The following MOSPD2 variants were observed in gnomAD, a reference collection of about 807,000 sequenced individuals.
MOSPD2 encodes motile sperm domain containing 2, also known as motile sperm domain-containing protein 2.
MOSPD2 carries 5 observed loss-of-function variants against 41.7 expected under a neutral mutation model. The observed-to-expected ratio is 0.12, with a 90% CI of 0.06 to 0.25. The LOEUF is 0.25. Among genes scored for constraint, MOSPD2 ranks in the 10% least tolerant of loss-of-function variants. MOSPD2 has a pLI of 1.00. For missense variants in MOSPD2, 282 were observed against 375.2 expected, an observed-to-expected ratio of 0.75 and a Z score of 2.05; for synonymous variants, 115 against 126.9, an observed-to-expected ratio of 0.91 and a Z score of 0.63.
In MOSPD2 at chrX:14,920,640, C is replaced by T. The variant is rs1386866050; in HGVS notation, c.*831C>T. The T allele has an allele frequency of 1.3e-6, 1 of 751,298 alleles. No individual in the cohort carries two copies. The highest frequency in any genetic ancestry group is 1.6e-6 in the Non-Finnish European group (1 of 638,577). The allele number at this position is 751,298 out of a possible 1,213,427, so 61.9% of individuals were successfully genotyped here. A position where few individuals can be genotyped will look rare whatever the true frequency, so the allele number is the denominator to read the frequency against. On this transcript the variant is annotated 3_prime_UTR_variant, in exon 15 of 15. Coordinates refer to ENST00000380492, the MANE Select transcript of MOSPD2 (RefSeq NM_152581.4). ...GCCTAATTTATTATAAAGGCCTGAC[C>T]CTCTATTGTCCCATCTTCACCCCCA... is the stretch of plus-strand genomic sequence containing the variant.
chrX:14,877,447 A>G (rs2092522831), intron 2 of MOSPD2, among the ~76,000 whole-genome samples: 1 of 109,633 alleles, frequency 9.1e-6, no homozygotes, highest in Admixed American at 9.6e-5. Context: ...GGTTCAAGCA[A>G]TTGTCCTACC....
chrX:14,902,472 G>A (rs911817977), intron 6 of MOSPD2, among the ~76,000 whole-genome samples: 2 of 111,650 alleles, frequency 1.8e-5, no homozygotes, highest in Admixed American at 9.5e-5. Context: ...TTCTGAAAAC[G>A]TAGTGATGTA....
chrX:14,920,375 G>A lies in MOSPD2; in HGVS notation c.*566G>A, dbSNP rs1181473720. 5 of 753,128 alleles carry A rather than the reference G, an allele frequency of 6.6e-6. No individual in the cohort carries two copies. The highest frequency in any genetic ancestry group is 6.3e-6 in the Non-Finnish European group (4 of 637,978). 62.1% of individuals were successfully genotyped at this position (753,128 alleles called of 1,213,427 possible). On this transcript the variant is annotated 3_prime_UTR_variant, in exon 15 of 15. Coordinates refer to ENST00000380492, the MANE Select transcript of MOSPD2 (RefSeq NM_152581.4). ...TCAGTATTCTTTTGGAATGTAAACCGATTTAATGCCAAACCACCTTAACCT... is the reference window on the plus strand; with the variant it reads ...TCAGTATTCTTTTGGAATGTAAACCAATTTAATGCCAAACCACCTTAACCT...
In MOSPD2 at chrX:14,900,642, AACTT is replaced by A. The variant is rs774214671; in HGVS notation, c.538+11_538+14del. 10 of 976,640 alleles carry A rather than the reference AACTT, an allele frequency of 1.0e-5. No individual in the cohort carries two copies. Among genetic ancestry groups the A allele is most frequent in the Non-Finnish European group, 1.3e-5 (9 of 705,175 alleles). 80.5% of individuals were successfully genotyped at this position (976,640 alleles called of 1,213,427 possible). ...TATTACCCTAAATACCTCTGTAAGT[AACTT>A]ACTCCTTTATAAAAAATATAACATA... On this transcript the variant is annotated splice_region_variant and intron_variant, in intron 6 of 14. Coordinates refer to ENST00000380492, the MANE Select transcript of MOSPD2 (RefSeq NM_152581.4).
chrX:14,892,577 G>T, intron 2 of MOSPD2, 146 bp from the exon 3 acceptor site: 2 of 451,746 alleles, frequency 4.4e-6, no homozygotes, highest in African/African-American at 2.4e-5. Context: ...TCTTTTAAAT[G>T]GCGCTTTTAT....
At position 14,892,954 on chromosome X, in the gene MOSPD2, A is replaced by G. The variant is rs1299971870; in HGVS notation, c.235+76A>G. The G allele has an allele frequency of 4.2e-6, 3 of 713,396 alleles. No individual in the cohort carries two copies. The Admixed American group carries it at 8.7e-5, about 21-fold the overall frequency. 58.8% of individuals were successfully genotyped at this position (713,396 alleles called of 1,213,427 possible). Reference sequence around the variant, plus strand: ...TTGTTTTACATTTATCTAATCATGTATTTGCACATATTCCTAGCAGTCATC... The same window carrying G: ...TTGTTTTACATTTATCTAATCATGTGTTTGCACATATTCCTAGCAGTCATC... On this transcript the variant is annotated intron_variant, in intron 3 of 14. Coordinates refer to ENST00000380492, the MANE Select transcript of MOSPD2 (RefSeq NM_152581.4).
At position 14,919,685 on chromosome X, in the gene MOSPD2, T is replaced by A; in HGVS notation, c.1433T>A (p.Leu478Gln). ...TTCCCTCTTCAGCTCAGTCGTTTAC[T>A]AGAAAGCAATAGGAAGCTTGAAGAC... is the stretch of plus-strand genomic sequence containing the variant. ...EDICLQLSRL[L>Q]ESNRKLEDQV... The change falls in exon 15 of 15, where the codon CTA (leucine) becomes CAA (glutamine). Residue 478 changes from leucine to glutamine, a missense_variant. Transcript: ENST00000380492. 8.3e-7 allele frequency: 1 copy of A among 1,206,614 alleles called. No homozygotes were observed. The highest frequency in any genetic ancestry group is 1.8e-5 in the South Asian group (1 of 56,261).
rs191540956 is a variant in MOSPD2, at chrX:14,909,927, A to G, written c.702+943A>G. On this transcript the variant is annotated intron_variant, in intron 8 of 14. Coordinates refer to ENST00000380492, the MANE Select transcript of MOSPD2 (RefSeq NM_152581.4). ...TACTTCATTTCAGGTGCTATGCTTG[A>G]TTTAAAATGTGATTTTATTTATTTT... is the stretch of plus-strand genomic sequence containing the variant. Among the ~76,000 whole-genome samples the G allele has an allele frequency of 4.5e-3, 496 of 111,161 alleles. 5 individuals are homozygous for G. The highest frequency in any genetic ancestry group is 0.015 in the African/African-American group (467 of 30,796).
chrX:14,905,219 C>T (rs1273397992), intron 7 of MOSPD2, among the ~76,000 whole-genome samples: 2 of 112,066 alleles, frequency 1.8e-5, no homozygotes. Flanking sequence ...AACACTGTCT[C>T]TCTTACCACT....
At chrX:14,877,056 A>G (rs1164615671) in intron 2 of MOSPD2, among the ~76,000 whole-genome samples, 1 of 111,776 alleles carries the variant, frequency 8.9e-6, no homozygotes, top group Non-Finnish European at 1.9e-5. Flanking sequence ...TTCCAAAGTA[A>G]TAGGAAGTCT....
chrX:14,917,035 C>G (rs2092601438), intron 13 of MOSPD2, among the ~76,000 whole-genome samples: 1 of 112,030 alleles, frequency 8.9e-6, no homozygotes, highest in Admixed American at 9.4e-5. Context: ...TTGTCAATGT[C>G]TGGAGACACT....
At position 14,920,465 on chromosome X, in the gene MOSPD2, C is replaced by G. The variant is rs1233323386; in HGVS notation, c.*656C>G. The G allele has an allele frequency of 1.3e-6, 1 of 753,690 alleles. No homozygotes were observed. The highest frequency in any genetic ancestry group is 1.6e-6 in the Non-Finnish European group (1 of 639,129). 62.1% of individuals were successfully genotyped at this position (753,690 alleles called of 1,213,427 possible). A position where few individuals can be genotyped will look rare whatever the true frequency, so the allele number is the denominator to read the frequency against. Reference sequence around the variant, plus strand: ...TCTCAGGCTTTTTTATGAACACTCTCATTTCAGTAGAATTTGGAAAACTAA... The same window carrying G: ...TCTCAGGCTTTTTTATGAACACTCTGATTTCAGTAGAATTTGGAAAACTAA... On this transcript the variant is annotated 3_prime_UTR_variant, in exon 15 of 15. Coordinates refer to ENST00000380492, the MANE Select transcript of MOSPD2 (RefSeq NM_152581.4).
intron 12 of MOSPD2, among the ~76,000 whole-genome samples, 195 bp downstream of exon 12, chrX:14,915,959 C>T (rs2092599663): frequency 8.9e-6 from 1 of 112,458 alleles, no homozygotes; most frequent in Non-Finnish European, 1.9e-5. Context: ...CTCTAAAGCC[C>T]TTTCCAGCAT....
In MOSPD2 at chrX:14,873,447, G is replaced by A. The variant is rs2092511043; in HGVS notation, c.-82G>A. On this transcript the variant is annotated 5_prime_UTR_variant, in exon 1 of 15. Coordinates refer to ENST00000380492, the MANE Select transcript of MOSPD2 (RefSeq NM_152581.4). Reference sequence around the variant, plus strand: ...CCCTTCTCTGTCTACCTCTGGGCGGGACTGCCGGGTGATGAGATACTCGGT... The same window carrying A: ...CCCTTCTCTGTCTACCTCTGGGCGGAACTGCCGGGTGATGAGATACTCGGT... 1.2e-5 allele frequency: 14 copies of A among 1,188,897 alleles called. No individual in the cohort carries two copies. Among genetic ancestry groups the A allele is most frequent in the Admixed American group, 8.7e-5 (4 of 46,025 alleles).
rs778788598 is a variant in MOSPD2 at position 14,921,051 on chromosome X, C to G, written c.*1242C>G. On this transcript the variant is annotated 3_prime_UTR_variant, in exon 15 of 15. Coordinates refer to ENST00000380492, the MANE Select transcript of MOSPD2 (RefSeq NM_152581.4). ...GTATTCCTAAAATCCTAAAAAGATA[C>G]ACCTTGCAGTAGCAGAGGCAATGAC... The G allele has an allele frequency of 5.6e-4, 434 of 772,220 alleles. No homozygotes were observed. The highest frequency in any genetic ancestry group is 6.5e-4 in the Non-Finnish European group (421 of 652,245). The allele number at this position is 772,220 out of a possible 1,213,427, so 63.6% of individuals were successfully genotyped here. A position where few individuals can be genotyped will look rare whatever the true frequency, so the allele number is the denominator to read the frequency against.
intron 5 of MOSPD2, 72 bp from the exon 6 acceptor site, chrX:14,900,503 T>A (rs1421452286): frequency 2.2e-6 from 1 of 463,527 alleles, no homozygotes; most frequent in Non-Finnish European, 3.6e-6. Context: ...TTTAATAATT[T>A]ATCACCTTTA....
chrX:14,889,573 T>C (rs1438060736), intron 2 of MOSPD2, among the ~76,000 whole-genome samples: 2 of 107,445 alleles, frequency 1.9e-5, no homozygotes, highest in African/African-American at 6.8e-5. Context: ...CTCTGTCGTC[T>C]TCTGCCTCTA....
chrX:14,902,202 T>C (rs1238607879), intron 6 of MOSPD2, among the ~76,000 whole-genome samples: 1 of 111,481 alleles, frequency 9.0e-6, no homozygotes, highest in Non-Finnish European at 1.9e-5. Flanking sequence ...ATATGTACTT[T>C]ACTTGTCCTA....
At chrX:14,886,390 G>A (rs1425267758) in intron 2 of MOSPD2, among the ~76,000 whole-genome samples, 1 of 110,272 alleles carries the variant, frequency 9.1e-6, no homozygotes, top group East Asian at 2.8e-4. Flanking sequence ...TCCAGCTCTT[G>A]AAGGATAAGA....
Sources: allele counts gnomAD v4.1 joint callset (sites outside exome capture counted in the v4.1 genomes callset), GRCh38; gene constraint gnomAD v4.1.1; transcripts MANE v1.5; gene names NCBI Gene and HGNC (gene_info 2026-07-23, HGNC 2026-07-21).